Variants in TRIM48 observed in about 807,000 individuals in gnomAD.
The protein encoded by TRIM48 is tripartite motif containing 48, also known as E3 ubiquitin-protein ligase TRIM48.
TRIM48 carries 31 observed loss-of-function variants against 29.5 expected under a neutral mutation model. The observed-to-expected ratio is 1.05, with a 90% CI of 0.79 to 1.42. The LOEUF (loss-of-function observed/expected upper bound fraction) is 1.42. Among genes scored for constraint, TRIM48 ranks in the 40% most tolerant of loss-of-function variants. The probability of loss-of-function intolerance (pLI) is 0.00; values close to 1 mark genes in which losing one functional copy is unlikely to be tolerated. For synonymous variants in TRIM48, 128 were observed against 90.6 expected, an observed-to-expected ratio of 1.41 and a Z score of -2.34; for missense variants, 344 against 265.0, an observed-to-expected ratio of 1.30 and a Z score of -2.07.
chr11:55,269,394 G>A (rs1291453754), intron 5 of TRIM48, 55 bp downstream of exon 5: 1 of 1,539,090 alleles, frequency 6.5e-7, no homozygotes, highest in Non-Finnish European at 8.8e-7. Context: ...TTATTGTTAG[G>A]ATCACATAGG....
At position 55,270,573 on chromosome 11, in the gene TRIM48, T is replaced by A. The variant is rs1344515811; in HGVS notation, c.*138T>A. 1.3e-6 allele frequency: 2 copies of A among 1,583,388 alleles called. 1 individual carries two copies. The highest frequency in any genetic ancestry group is 1.7e-6 in the Non-Finnish European group (2 of 1,165,770). On this transcript the variant is annotated 3_prime_UTR_variant, in exon 6 of 6. Coordinates refer to ENST00000417545, the MANE Select transcript of TRIM48 (RefSeq NM_024114.5). Reference sequence around the variant, plus strand: ...CACCTACAAGTTTTCTTGCATGGGGTGCTCAGACTTTCACCTCTGGCAAAT... The same window carrying A: ...CACCTACAAGTTTTCTTGCATGGGGAGCTCAGACTTTCACCTCTGGCAAAT...
Position 55,267,713 on chromosome 11 carries a change from T to A in TRIM48, c.556-637T>A, listed in dbSNP as rs1857414708. 12 of 1,523,570 alleles carry A rather than the reference T, an allele frequency of 7.9e-6. 1 individual carries two copies. Among genetic ancestry groups the A allele is most frequent in the African/African-American group, 1.4e-5 (1 of 71,646 alleles). 94.4% of individuals were successfully genotyped at this position (1,523,570 alleles called of 1,614,324 possible). ...GTATTTTCCTCATGGCTGAAATCCA[T>A]CTCCCTACCTTTATTTCCATGATGT... On this transcript the variant is annotated intron_variant, in intron 3 of 5. Transcript: ENST00000417545.
chr11:55,263,552 C>T (rs1857338445), intron 1 of TRIM48, among the ~76,000 whole-genome samples: 1 of 151,820 alleles, frequency 6.6e-6, no homozygotes, highest in South Asian at 2.1e-4. Context: ...ATCCCAGGAA[C>T]TCAGGAGGCT....
In TRIM48 at chr11:55,268,355, T is replaced by G; in HGVS notation, c.561T>G (p.Phe187Leu). Residue 187 changes from phenylalanine to leucine, a missense_variant, in exon 4 of 6, where the codon TTT (phenylalanine) becomes TTG (leucine). By Grantham distance (22) the Phe-to-Leu change is conservative. Transcript: ENST00000417545. ...ETTRISHWKA[F>L]GDILYRSESV... ...TCTATTTTTTTTTTTTACAGGCTTT[T>G]GGAGACATATTATACAGGTGAGTAT... is the stretch of plus-strand genomic sequence containing the variant. 6.4e-7 allele frequency: 1 copy of G among 1,552,970 alleles called. No individual in the cohort carries two copies. The highest frequency in any genetic ancestry group is 8.8e-7 in the Non-Finnish European group (1 of 1,142,598).
chr11:55,265,591 C>A lies in TRIM48; in HGVS notation c.460-9C>A. On this transcript the variant is annotated splice_polypyrimidine_tract_variant and intron_variant, in intron 2 of 5. Transcript: ENST00000417545. ...TTCACTGGTGCTTCAATTTATGGCTCTTTTGCAGGAGAAGCTTTTAAAGAA... is the reference window on the plus strand; with the variant it reads ...TTCACTGGTGCTTCAATTTATGGCTATTTTGCAGGAGAAGCTTTTAAAGAA... The A allele has an allele frequency of 1.3e-6, 2 of 1,579,156 alleles. No individual in the cohort carries two copies. The highest frequency in any genetic ancestry group is 1.7e-6 in the Non-Finnish European group (2 of 1,163,750).
At chr11:55,266,318 T>A (rs1278472729) in intron 3 of TRIM48, among the ~76,000 whole-genome samples, 2 of 147,574 alleles carry the variant, frequency 1.4e-5, no homozygotes, top group African/African-American at 5.0e-5. Flanking sequence ...TCTGAGGACT[T>A]CAGAAAAATA....
chr11:55,268,435 C>A lies in TRIM48; in HGVS notation c.578+63C>A, dbSNP rs1590622868. On this transcript the variant is annotated intron_variant, in intron 4 of 5. Coordinates refer to ENST00000417545, the MANE Select transcript of TRIM48 (RefSeq NM_024114.5). The stretch of plus-strand genomic sequence containing the variant: ...CTTTCCACGAATATCAAAGCAGGCT[C>A]TACCAAAGTCATGGCATAAACGATT... 7 of 1,436,572 alleles carry A rather than the reference C, an allele frequency of 4.9e-6. 1 individual carries two copies. In the East Asian group the frequency reaches 1.8e-4, roughly 37 times the overall value. The allele number at this position is 1,436,572 out of a possible 1,614,324, so 89.0% of individuals were successfully genotyped here.
Position 55,271,015 on chromosome 11 carries a change from A to C in TRIM48, c.*580A>C. On this transcript the variant is annotated 3_prime_UTR_variant, in exon 6 of 6. Transcript: ENST00000417545. ...AAAGCCCTCTTCCTTGTGCCTTATC[A>C]AACAGGACAAATAGGTTCGGTTTTA... 6.7e-7 allele frequency: 1 copy of C among 1,498,746 alleles called. No individual in the cohort carries two copies. Among genetic ancestry groups the C allele is most frequent in the Non-Finnish European group, 9.0e-7 (1 of 1,108,224 alleles). The allele number at this position is 1,498,746 out of a possible 1,614,324, so 92.8% of individuals were successfully genotyped here. A position where few individuals can be genotyped will look rare whatever the true frequency, so the allele number is the denominator to read the frequency against.
intron 3 of TRIM48, chr11:55,267,279 G>T: frequency 9.1e-7 from 1 of 1,103,282 alleles, no homozygotes. Flanking sequence ...GAAAAAATTT[G>T]TGGATTCTAA....
rs141048157 is a variant in TRIM48, at chr11:55,267,650, C to G, written c.556-700C>G. 1.6e-3 allele frequency: 2,517 copies of G among 1,565,282 alleles called. 236 individuals carry two copies. The African/African-American group carries it at 0.03, about 18-fold the overall frequency. Reference sequence around the variant, plus strand: ...TGGAGCTACTTCAGGTACAAACTCGCAATGTGGTTTCAGGTTTTTGACTAT... The same window carrying G: ...TGGAGCTACTTCAGGTACAAACTCGGAATGTGGTTTCAGGTTTTTGACTAT... On this transcript the variant is annotated intron_variant, in intron 3 of 5. Transcript: ENST00000417545.
intron 4 of TRIM48, among the ~76,000 whole-genome samples, chr11:55,268,769 T>G (rs1310229361): frequency 6.8e-6 from 1 of 147,626 alleles, no homozygotes; most frequent in Non-Finnish European, 1.5e-5. Context: ...AAAAATAGAT[T>G]GAAAAAACTA....
At chr11:55,268,579 G>A (rs1416843735) in intron 4 of TRIM48, among the ~76,000 whole-genome samples, 1 of 147,450 alleles carries the variant, frequency 6.8e-6, no homozygotes, top group African/African-American at 2.5e-5. Context: ...TAAAAAACAT[G>A]TTTATTCCTG....
rs780685111 is a variant in TRIM48 at position 55,264,950 on chromosome 11, C to T, written c.95C>T (p.Pro32Leu). Residue 32 changes from proline to leucine, a missense_variant, in exon 2 of 6, where the codon CCC becomes CTC. Physicochemically the swap from Pro to Leu is moderately conservative, Grantham distance 98. Transcript: ENST00000417545. ...SQVFQRELTC[P>L]ICMNYFIDPV... ...GTCTTCCAGAGGGAACTCACCTGCC[C>T]CATCTGCATGAACTACTTCATAGAC... 2 of 1,583,956 alleles carry T rather than the reference C, an allele frequency of 1.3e-6. No homozygotes were observed. The highest frequency in any genetic ancestry group is 8.6e-7 in the Non-Finnish European group (1 of 1,166,158).
chr11:55,263,897 T>G (rs187115486), intron 1 of TRIM48, among the ~76,000 whole-genome samples: 1 of 152,114 alleles, frequency 6.6e-6, no homozygotes. Flanking sequence ...AAAGAGGAAA[T>G]TGCCTTTCCT....
rs1857478493 is a variant in TRIM48 at position 55,271,028 on chromosome 11, AGGTT to A, written c.*594_*597del. 7.0e-7 allele frequency: 1 copy of A among 1,427,414 alleles called. No individual in the cohort carries two copies. Among genetic ancestry groups the A allele is most frequent in the African/African-American group, 1.6e-5 (1 of 63,076 alleles). 88.4% of individuals were successfully genotyped at this position (1,427,414 alleles called of 1,614,324 possible). On this transcript the variant is annotated 3_prime_UTR_variant, in exon 6 of 6. Coordinates refer to ENST00000417545, the MANE Select transcript of TRIM48 (RefSeq NM_024114.5). ...TTGTGCCTTATCAAACAGGACAAAT[AGGTT>A]CGGTTTTATGTCTTGAATTGCATTC...
chr11:55,268,456 C>T lies in TRIM48; in HGVS notation c.578+84C>T, dbSNP rs551084259. The stretch of plus-strand genomic sequence containing the variant: ...GGCTCTACCAAAGTCATGGCATAAA[C>T]GATTAAGATATTGATACTATTTTTT... On this transcript the variant is annotated intron_variant, in intron 4 of 5. Transcript: ENST00000417545. The T allele has an allele frequency of 6.4e-5, 85 of 1,319,438 alleles. 8 individuals are homozygous for T. Among genetic ancestry groups the T allele is most frequent in the South Asian group, 6.2e-4 (44 of 70,578 alleles). 81.7% of individuals were successfully genotyped at this position (1,319,438 alleles called of 1,614,324 possible). A position where few individuals can be genotyped will look rare whatever the true frequency, so the allele number is the denominator to read the frequency against.
rs777138836 is a variant in TRIM48, at chr11:55,269,330, C to T, written c.667C>T (p.Gln223Ter). ...PITGLRDRLN[Q>*]F ...CACTGGACTGAGGGACAGGCTCAAC[C>T]AATTCTGAGGTAAGTCTCCACCCAC... is the stretch of plus-strand genomic sequence containing the variant. The change falls in exon 5 of 6, where the codon CAA (glutamine) becomes TAA (stop). Residue 223 changes from glutamine to a stop codon, truncating the protein, a stop_gained. Coordinates refer to ENST00000417545, the MANE Select transcript of TRIM48 (RefSeq NM_024114.5). LOFTEE classifies it high-confidence loss of function. 1.3e-6 allele frequency: 2 copies of T among 1,575,222 alleles called. No homozygotes were observed. Among genetic ancestry groups the T allele is most frequent in the South Asian group, 1.2e-5 (1 of 83,650 alleles).
chr11:55,267,155 C>T (rs1202933638), intron 3 of TRIM48, among the ~76,000 whole-genome samples: 1 of 147,240 alleles, frequency 6.8e-6, no homozygotes, highest in Non-Finnish European at 1.5e-5. Context: ...TAGAGAAATT[C>T]AAATTGTGTT....
chr11:55,269,024 A>C lies in TRIM48; in HGVS notation c.579-218A>C, dbSNP rs917078260. The stretch of plus-strand genomic sequence containing the variant: ...GAACTTTACACATTTGGGGCAAAAA[A>C]TAAGAAACATCAGACTGAATTCTGA... On this transcript the variant is annotated intron_variant, in intron 4 of 5. Transcript: ENST00000417545. Among the ~76,000 whole-genome samples the C allele has an allele frequency of 9.4e-5, 14 of 148,408 alleles. 1 individual carries two copies. The highest frequency in any genetic ancestry group is 1.8e-4 in the Non-Finnish European group (12 of 67,076).
Sources: allele counts gnomAD v4.1 joint callset (sites outside exome capture counted in the v4.1 genomes callset), GRCh38; gene constraint gnomAD v4.1.1; transcripts MANE v1.5; gene names NCBI Gene and HGNC (gene_info 2026-07-23, HGNC 2026-07-21).